CTNNA3: variants seen among roughly 807,000 people sequenced by gnomAD.
CTNNA3 encodes catenin alpha-3.
In CTNNA3, 76 loss-of-function variants were observed where a neutral mutation model predicts 95.7. The observed-to-expected ratio is 0.79, with a 90% confidence interval of 0.66 to 0.96. The LOEUF is 0.96. Among genes scored for constraint, CTNNA3 ranks in the 40% least tolerant of loss-of-function variants. The pLI is 0.00. For synonymous variants in CTNNA3, 431 were observed against 374.4 expected (o/e 1.15, Z -1.74); for missense variants, 1,191 against 1,089.8 (o/e 1.09, Z -1.31).
At chr10:65,953,987 T>A (rs1385587079) in intron 17 of CTNNA3, among the ~76,000 whole-genome samples, 2 of 152,216 alleles carry the variant, frequency 1.3e-5, no homozygotes, top group Non-Finnish European at 2.9e-5. Flanking sequence ...GTTGAACTAG[T>A]TTACAGTCCC....
At chr10:66,236,541 TG>T (rs2089863616) in intron 13 of CTNNA3, among the ~76,000 whole-genome samples, 1 of 152,172 alleles carries the variant, frequency 6.6e-6, no homozygotes. Flanking sequence ...ATATTGCATT[TG>T]GGAAATCTAA....
chr10:66,924,328 G>A (rs772610972), intron 7 of CTNNA3, among the ~76,000 whole-genome samples: 23 of 152,078 alleles, frequency 1.5e-4, no homozygotes, highest in Non-Finnish European at 2.4e-4. Context: ...CTCATCCTTG[G>A]AGAATGTGAA....
intron 9 of CTNNA3, among the ~76,000 whole-genome samples, chr10:66,651,679 A>C (rs11591928): frequency 6.6e-6 from 1 of 151,824 alleles, no homozygotes; most frequent in Non-Finnish European, 1.5e-5. Flanking sequence ...TGGGGGACCC[A>C]GCGCACCCTC....
intron 10 of CTNNA3, among the ~76,000 whole-genome samples, chr10:66,556,826 A>C (rs1842405715): frequency 6.6e-6 from 1 of 152,066 alleles, no homozygotes; most frequent in Non-Finnish European, 1.5e-5. Flanking sequence ...ATAATTAATA[A>C]TACTCTTTTA....
At chr10:66,554,856 CTG>C (rs529450934) in intron 10 of CTNNA3, among the ~76,000 whole-genome samples, 178 of 152,164 alleles carry the variant, frequency 1.2e-3, no homozygotes, top group African/African-American at 4.1e-3. Flanking sequence ...CTCACTGACA[CTG>C]TTAATATCTG....
chr10:67,156,201 C>T (rs7073888), intron 7 of CTNNA3, among the ~76,000 whole-genome samples: 1 of 151,588 alleles, frequency 6.6e-6, no homozygotes, highest in Admixed American at 6.6e-5. Context: ...CTAGTGGCTT[C>T]CCAATTTTGT....
intron 11 of CTNNA3, among the ~76,000 whole-genome samples, chr10:66,390,692 A>AAAAAAAACATACAT (rs2092927494): frequency 6.6e-6 from 1 of 152,182 alleles, no homozygotes; most frequent in Admixed American, 6.6e-5. Context: ...GAAACTAAAA[A>AAAAAAAACATACAT]GCAAATAGAA....
chr10:66,426,747 T>C (rs2093245313), intron 11 of CTNNA3, among the ~76,000 whole-genome samples: 1 of 151,862 alleles, frequency 6.6e-6, no homozygotes, highest in South Asian at 2.1e-4. Context: ...CTCAATGAAG[T>C]CTTTCAATTT....
In CTNNA3 at chr10:67,320,225, G is replaced by A. The variant is rs374394536; in HGVS notation, c.580-100355C>T. ...CAAGTTAATCTAGAGGGAGTCTCACGGCCTCCTTTAAAAATGAAAAACATG... is the reference window on the plus strand; with the variant it reads ...CAAGTTAATCTAGAGGGAGTCTCACAGCCTCCTTTAAAAATGAAAAACATG... On this transcript the variant is annotated intron_variant, in intron 5 of 17. Coordinates refer to ENST00000433211, the MANE Select transcript of CTNNA3 (RefSeq NM_013266.4). Among the ~76,000 whole-genome samples, 46 of 152,112 alleles carry A rather than the reference G, an allele frequency of 3.0e-4. No homozygotes were observed. The South Asian group carries it at 8.1e-3, about 27-fold the overall frequency.
intron 17 of CTNNA3, among the ~76,000 whole-genome samples, chr10:65,927,121 T>C (rs1330293925): frequency 6.6e-6 from 1 of 152,190 alleles, no homozygotes; most frequent in Non-Finnish European, 1.5e-5. Context: ...CAAGGTATTT[T>C]TGAATCATAC....
rs2092776816 is a variant in CTNNA3, at chr10:66,374,333, G to T, written c.1732+4819C>A. Among the ~76,000 whole-genome samples the T allele has an allele frequency of 2.6e-5, 4 of 152,222 alleles. No individual in the cohort carries two copies. In the South Asian group the frequency reaches 8.3e-4, roughly 32 times the overall value. On this transcript the variant is annotated intron_variant, in intron 12 of 17. Transcript: ENST00000433211. ...AATTCTAACTGAAAGGGAATCAAAA[G>T]CTCCTTTGCAAAGGTGGTGGCATTT...
intron 5 of CTNNA3, among the ~76,000 whole-genome samples, chr10:67,258,615 A>T (rs1457525668): frequency 6.6e-6 from 1 of 152,148 alleles, no homozygotes; most frequent in African/African-American, 2.4e-5. Flanking sequence ...TCTATCTTTC[A>T]ACTGTGATTT....
Position 66,190,882 on chromosome 10 carries a change from T to C in CTNNA3, c.1885-87633A>G, listed in dbSNP as rs184743663. ...GAAGGACCAGGACCCTCCACTTTCA[T>C]AGCTTGAGTGTAAATAGCAATGACC... On this transcript the variant is annotated intron_variant, in intron 13 of 17. Coordinates refer to ENST00000433211, the MANE Select transcript of CTNNA3 (RefSeq NM_013266.4). Among the ~76,000 whole-genome samples the C allele has an allele frequency of 5.9e-5, 9 of 152,258 alleles. No homozygotes were observed. In the East Asian group the frequency reaches 1.7e-3, roughly 29 times the overall value.
intron 14 of CTNNA3, among the ~76,000 whole-genome samples, chr10:66,082,349 A>C (rs577640393): frequency 6.6e-6 from 1 of 152,232 alleles, no homozygotes; most frequent in South Asian, 2.1e-4. Flanking sequence ...ATAACCTTAA[A>C]ATAATGAGGA....
chr10:66,844,146 A>G (rs1843168388), intron 7 of CTNNA3, among the ~76,000 whole-genome samples: 1 of 152,232 alleles, frequency 6.6e-6, no homozygotes, highest in African/African-American at 2.4e-5. Context: ...CTTCTAAATA[A>G]GAATTTACTG....
In CTNNA3 at chr10:67,252,930, A is replaced by G. The variant is rs144328081; in HGVS notation, c.580-33060T>C. Among the ~76,000 whole-genome samples, 652 of 152,348 alleles carry G rather than the reference A, an allele frequency of 4.3e-3. 5 individuals are homozygous for G. The highest frequency in any genetic ancestry group is 0.015 in the African/African-American group (626 of 41,576). ...GTTTGCAGTTTGAGGTATGACAACC[A>G]AACTAGAATTTCTTTCTCCTTCTTC... On this transcript the variant is annotated intron_variant, in intron 5 of 17. Coordinates refer to ENST00000433211, the MANE Select transcript of CTNNA3 (RefSeq NM_013266.4).
chr10:66,488,273 C>T (rs377416665), intron 11 of CTNNA3, among the ~76,000 whole-genome samples: 1 of 152,006 alleles, frequency 6.6e-6, no homozygotes, highest in Non-Finnish European at 1.5e-5. Context: ...TTATAGTTAG[C>T]GATAAGAACC....
chr10:67,217,690 A>T (rs1416847447), intron 6 of CTNNA3, among the ~76,000 whole-genome samples: 2 of 152,194 alleles, frequency 1.3e-5, no homozygotes, highest in African/African-American at 4.8e-5. Flanking sequence ...AGGAGGAACA[A>T]TTTGGAAATG....
intron 13 of CTNNA3, among the ~76,000 whole-genome samples, chr10:66,267,201 T>C (rs920953220): frequency 2.6e-5 from 4 of 152,094 alleles, no homozygotes; most frequent in Admixed American, 6.6e-5. Flanking sequence ...TTCTTTGACA[T>C]GCATGAAGAC....
Sources: gnomAD v4.1 joint callset for allele counts (sites outside exome capture counted in the v4.1 genomes callset) on GRCh38, gnomAD v4.1.1 for gene constraint, MANE v1.5 for transcripts, NCBI Gene and HGNC (gene_info 2026-07-23, HGNC 2026-07-21) for gene names.